Variants in NAP1L4 observed in about 807,000 individuals in gnomAD.
NAP1L4 encodes the protein nucleosome assembly protein 1 like 4, also known as nucleosome assembly protein 1-like 4.
A neutral mutation model predicts 58.2 loss-of-function variants in NAP1L4; 15 were observed. The observed-to-expected ratio is 0.26, with a 90% CI of 0.17 to 0.40. The LOEUF (loss-of-function observed/expected upper bound fraction) is 0.40, where lower values mean the gene tolerates loss of function less well. Among genes scored for constraint, NAP1L4 ranks in the 10% least tolerant of loss-of-function variants. NAP1L4 has a pLI of 1.00. For synonymous variants in NAP1L4, 171 were observed against 155.6 expected, an observed-to-expected ratio of 1.10 and a Z score of -0.74; for missense variants, 384 against 451.1, an observed-to-expected ratio of 0.85 and a Z score of 1.35.
chr11:2,979,368 G>C, intron 1 of NAP1L4, 131 bp from the exon 2 acceptor site: 1 of 691,488 alleles, frequency 1.4e-6, no homozygotes, highest in Non-Finnish European at 2.4e-6. Context: ...CTAGAGTGAT[G>C]AAAATGTTCT....
intron 1 of NAP1L4, among the ~76,000 whole-genome samples, chr11:2,981,418 C>CAAAAAA (rs35499396): frequency 0.015 from 600 of 41,240 alleles, 51 homozygotes; most frequent in Middle Eastern, 0.042. Context: ...TACCCTGTCT[C>CAAAAAA]AAAAAAAAAA....
Position 2,958,460 on chromosome 11 carries a change from A to C in NAP1L4, c.831T>G (p.Val277=), listed in dbSNP as rs1169983572. 1 of 1,614,218 alleles carries C rather than the reference A, an allele frequency of 6.2e-7. No homozygotes were observed. Among genetic ancestry groups the C allele is most frequent in the Non-Finnish European group, 8.5e-7 (1 of 1,180,028 alleles). Reference sequence around the variant, plus strand: ...TGGGTACTTGTTTCGTAATTGTTCTAACAGTGCCTCGACCCTTATGCTTCT... The same window carrying C: ...TGGGTACTTGTTTCGTAATTGTTCTCACAGTGCCTCGACCCTTATGCTTCT... ...KKQKHKGRGT[V]RTITKQVPNE... Residue 277 remains valine (V), a synonymous_variant, in exon 10 of 16, where the codon GTT becomes GTG. Transcript: ENST00000380542.
Position 2,972,173 on chromosome 11 carries a change from C to T in NAP1L4, c.244G>A (p.Ala82Thr). 2 of 1,609,026 alleles carry T rather than the reference C, an allele frequency of 1.2e-6. No individual in the cohort carries two copies. Among genetic ancestry groups the T allele is most frequent in the Non-Finnish European group, 1.7e-6 (2 of 1,178,368 alleles). Residue 82 changes from alanine (A) to threonine (T), a missense_variant, in exon 5 of 16, where the codon GCC (alanine) becomes ACC (threonine). Around this residue, in one of 3 missense-constraint regions of NAP1L4, gnomAD observed 296 missense variants for 360.8 expected, o/e 0.82. Coordinates refer to ENST00000380542, the MANE Select transcript of NAP1L4 (RefSeq NM_005969.4). ...QLQVRCAHIE[A>T]KFYEEVHDLE... ...TCATGTACCTCTTCATAGAACTTGG[C>T]TTCTATGTGAGCACATCTCACCTGA... is the stretch of plus-strand genomic sequence containing the variant.
intron 1 of NAP1L4, among the ~76,000 whole-genome samples, chr11:2,985,037 C>T (rs1036177619): frequency 1.7e-4 from 26 of 152,130 alleles, no homozygotes; most frequent in African/African-American, 6.3e-4. Flanking sequence ...TTCACGTTTC[C>T]CACACATCTT....
chr11:2,975,077 C>A (rs1172595207), intron 4 of NAP1L4, among the ~76,000 whole-genome samples: 1 of 151,558 alleles, frequency 6.6e-6, no homozygotes, highest in African/African-American at 2.4e-5. Flanking sequence ...GGGAAACCAG[C>A]TGGAAGGTGG....
At chr11:2,975,664 T>C (rs1347914354) in intron 4 of NAP1L4, among the ~76,000 whole-genome samples, 4 of 151,900 alleles carry the variant, frequency 2.6e-5, no homozygotes, top group East Asian at 3.9e-4. Flanking sequence ...TTTTAAGGTG[T>C]TGGTGTCACA....
Position 2,971,213 on chromosome 11 carries a change from C to T in NAP1L4, c.402+235G>A, listed in dbSNP as rs1847620637. 6.6e-6 allele frequency among the ~76,000 whole-genome samples: 1 copy of T among 152,216 alleles called. No homozygotes were observed. Among genetic ancestry groups the T allele is most frequent in the African/African-American group, 2.4e-5 (1 of 41,452 alleles). On this transcript the variant is annotated intron_variant, in intron 6 of 15. Transcript: ENST00000380542. This position sits in a 1 kb window ranked among gnomAD's most constrained non-coding sequence, Gnocchi z 4.2. ...TCTTTGTTGGTCTGATCCCTTATTT[C>T]AATATGCTCCTGTCCACAGATAACT... is the stretch of plus-strand genomic sequence containing the variant.
chr11:2,957,060 TAA>T (rs905577676), intron 10 of NAP1L4, among the ~76,000 whole-genome samples: 1 of 151,770 alleles, frequency 6.6e-6, no homozygotes, highest in African/African-American at 2.4e-5. Flanking sequence ...CATCATACCC[TAA>T]AAGTTTTAGA....
chr11:2,961,126 G>A (rs892270670), intron 8 of NAP1L4, among the ~76,000 whole-genome samples: 2 of 35,254 alleles, frequency 5.7e-5, no homozygotes, highest in African/African-American at 7.7e-5. Flanking sequence ...AACCATCAAC[G>A]GGGGGGAAAT....
intron 1 of NAP1L4, among the ~76,000 whole-genome samples, chr11:2,979,751 A>T (rs1848192970): frequency 6.6e-6 from 1 of 151,386 alleles, no homozygotes; most frequent in African/African-American, 2.4e-5. Flanking sequence ...CAGCCTGGGC[A>T]ACAAGAGTGA....
intron 12 of NAP1L4, among the ~76,000 whole-genome samples, chr11:2,953,225 T>C (rs1846335218): frequency 6.6e-6 from 1 of 152,238 alleles, no homozygotes; most frequent in African/African-American, 2.4e-5. Flanking sequence ...TATAAGCAAA[T>C]GTGGCACAGT....
At chr11:2,969,524 T>A (rs953817208) in intron 7 of NAP1L4, among the ~76,000 whole-genome samples, 1 of 152,026 alleles carries the variant, frequency 6.6e-6, no homozygotes, top group African/African-American at 2.4e-5. Context: ...ACAACAGAGC[T>A]TTACAAGAGG....
intron 1 of NAP1L4, among the ~76,000 whole-genome samples, chr11:2,984,435 G>C (rs985974011): frequency 6.6e-6 from 1 of 152,014 alleles, no homozygotes; most frequent in Non-Finnish European, 1.5e-5. Context: ...GCCGGGCATG[G>C]TGGCGCATGC....
intron 4 of NAP1L4, 72 bp downstream of exon 4, chr11:2,975,952 G>T: frequency 7.5e-7 from 1 of 1,340,166 alleles, no homozygotes; most frequent in Non-Finnish European, 1.0e-6. Context: ...CTGGGGAACT[G>T]AAAAGTGGTT....
In NAP1L4 at chr11:2,955,899, A is replaced by G. The variant is rs1846511709; in HGVS notation, c.893-133T>C. ...ACCTCGAGGTTTAACAGAAATCCCC[A>G]AAGCCTTGCATCTCCTCACAGACAT... On this transcript the variant is annotated intron_variant, in intron 10 of 15. Transcript: ENST00000380542. This position sits in a 1 kb window ranked among gnomAD's most constrained non-coding sequence, Gnocchi z 4.2. 3 of 779,534 alleles carry G rather than the reference A, an allele frequency of 3.8e-6. No individual in the cohort carries two copies. Among genetic ancestry groups the G allele is most frequent in the Non-Finnish European group, 6.2e-6 (3 of 483,666 alleles). The allele number at this position is 779,534 out of a possible 1,614,324, so 48.3% of individuals were successfully genotyped here.
chr11:2,976,516 A>G (rs1008302938), intron 3 of NAP1L4, among the ~76,000 whole-genome samples: 2 of 152,158 alleles, frequency 1.3e-5, no homozygotes, highest in Admixed American at 6.5e-5. Context: ...CCTCAAAGTA[A>G]AAGAGCATCC....
At chr11:2,990,849 T>C (rs1465528004) in intron 1 of NAP1L4, 2 of 299,924 alleles carry the variant, frequency 6.7e-6, no homozygotes, top group Non-Finnish European at 1.4e-5. Context: ...GCAGTGCAGG[T>C]ATTAGTCATT....
chr11:2,947,941 C>T (rs1846025380), intron 15 of NAP1L4, among the ~76,000 whole-genome samples: 1 of 152,248 alleles, frequency 6.6e-6, no homozygotes, highest in Admixed American at 6.5e-5. Context: ...CAGTGGGACA[C>T]TCCTCGGGGG....
rs538369209 is a variant in NAP1L4 at position 2,972,502 on chromosome 11, G to C, written c.174-259C>G. Among the ~76,000 whole-genome samples, 6 of 152,268 alleles carry C rather than the reference G, an allele frequency of 3.9e-5. No homozygotes were observed. The South Asian group carries it at 1.0e-3, about 26-fold the overall frequency. On this transcript the variant is annotated intron_variant, in intron 4 of 15. Coordinates refer to ENST00000380542, the MANE Select transcript of NAP1L4 (RefSeq NM_005969.4). ...ATTCAATTTCATAAAATATCCAAAA[G>C]AATGCAAACATTTAAGAACACTCAG...
Sources: allele counts gnomAD v4.1 joint callset (sites outside exome capture counted in the v4.1 genomes callset), GRCh38; gene constraint gnomAD v4.1.1; regional missense constraint gnomAD v4.1.1; non-coding constraint Gnocchi (gnomAD v3.1); transcripts MANE v1.5; gene names NCBI Gene and HGNC (gene_info 2026-07-23, HGNC 2026-07-21).